The following PTPRD variants were observed in gnomAD, a reference collection of about 807,000 sequenced individuals.
PTPRD encodes receptor-type tyrosine-protein phosphatase delta.
In PTPRD, 34 loss-of-function variants were observed where a neutral mutation model predicts 214.5. The ratio of observed to expected loss-of-function variants is 0.16; its 90% CI spans 0.12 to 0.21. The LOEUF (loss-of-function observed/expected upper bound fraction) is 0.21, where lower values mean the gene tolerates loss of function less well. Ranked by LOEUF, PTPRD falls within the 10% of genes least tolerant of loss-of-function variation. The pLI, the probability that PTPRD is intolerant of heterozygous loss-of-function variation, is 1.00. For synonymous variants in PTPRD, 1,128 were observed against 845.7 expected, an observed-to-expected ratio of 1.33 and a Z score of -5.79; for missense variants, 2,545 against 2,398.7, an observed-to-expected ratio of 1.06 and a Z score of -1.27.
intron 12 of PTPRD, among the ~76,000 whole-genome samples, chr9:8,688,999 T>C (rs1162143857): frequency 6.6e-6 from 1 of 152,110 alleles, no homozygotes; most frequent in Non-Finnish European, 1.5e-5. Context: ...GAGAAACTAA[T>C]ACAGGGGCAA....
intron 35 of PTPRD, among the ~76,000 whole-genome samples, chr9:8,407,496 T>C (rs2093110681): frequency 6.6e-6 from 1 of 152,132 alleles, no homozygotes; most frequent in African/African-American, 2.4e-5. Flanking sequence ...CAACTGATAA[T>C]TAACAGCTGG....
intron 12 of PTPRD, among the ~76,000 whole-genome samples, chr9:8,686,464 C>T (rs1431177969): frequency 6.6e-6 from 1 of 152,190 alleles, no homozygotes; most frequent in Non-Finnish European, 1.5e-5. Flanking sequence ...TTCTAATTCT[C>T]ACCAGAAGTG....
intron 35 of PTPRD, among the ~76,000 whole-genome samples, chr9:8,430,176 C>A (rs1326304983): frequency 6.6e-6 from 1 of 152,124 alleles, no homozygotes; most frequent in Non-Finnish European, 1.5e-5. Flanking sequence ...AAAACTGTAC[C>A]TTGAGGACCA....
chr9:8,835,036 G>A (rs1026822436), intron 11 of PTPRD, among the ~76,000 whole-genome samples: 9 of 152,150 alleles, frequency 5.9e-5, no homozygotes, highest in African/African-American at 2.2e-4. Flanking sequence ...CCACCATCTG[G>A]GTCAGGCAAG....
At chr9:8,871,438 T>C (rs72704339) in intron 11 of PTPRD, among the ~76,000 whole-genome samples, 14,191 of 152,196 alleles carry the variant, frequency 0.093, 906 homozygotes, top group East Asian at 0.33. Flanking sequence ...GTAACATCTT[T>C]AGAAAATGAA....
At chr9:10,405,754 T>C (rs750192234) in intron 2 of PTPRD, among the ~76,000 whole-genome samples, 47 of 151,538 alleles carry the variant, frequency 3.1e-4, no homozygotes, top group Non-Finnish European at 4.9e-4. Context: ...TAGTAAATAT[T>C]AACTAACTTA....
At chr9:9,434,544 A>ACAAATAATCC (rs1257726628) in intron 8 of PTPRD, among the ~76,000 whole-genome samples, 6 of 152,158 alleles carry the variant, frequency 3.9e-5, no homozygotes, top group African/African-American at 1.4e-4. Context: ...ATATGGAGCC[A>ACAAATAATCC]CAAATAATCC....
intron 14 of PTPRD, among the ~76,000 whole-genome samples, chr9:8,550,853 G>A (rs945423530): frequency 2.1e-4 from 32 of 152,290 alleles, no homozygotes; most frequent in African/African-American, 7.2e-4. Context: ...AGGCTCTTTA[G>A]AGAAATAAGA....
At chr9:9,345,080 C>T (rs1338488023) in intron 9 of PTPRD, among the ~76,000 whole-genome samples, 2 of 152,020 alleles carry the variant, frequency 1.3e-5, no homozygotes, top group Non-Finnish European at 2.9e-5. Context: ...ATTTTCCAGA[C>T]AGGAAAGTGG....
intron 5 of PTPRD, among the ~76,000 whole-genome samples, chr9:9,912,364 A>G (rs1172295322): frequency 1.3e-5 from 2 of 152,168 alleles, no homozygotes; most frequent in African/African-American, 2.4e-5. Context: ...CTCATTTATC[A>G]TGAGGTAGCA....
chr9:8,710,239 T>G (rs1456502554), intron 12 of PTPRD, among the ~76,000 whole-genome samples: 1 of 152,198 alleles, frequency 6.6e-6, no homozygotes, highest in African/African-American at 2.4e-5. Context: ...TCTGAAAGAC[T>G]TGGCTCTCTT....
chr9:9,348,018 T>G (rs1322663793), intron 9 of PTPRD, among the ~76,000 whole-genome samples: 3 of 152,152 alleles, frequency 2.0e-5, no homozygotes, highest in Non-Finnish European at 2.9e-5. Flanking sequence ...GACTTCTGTT[T>G]TAGTATGCAT....
chr9:10,160,865 G>A (rs1400415678), intron 3 of PTPRD, among the ~76,000 whole-genome samples: 1 of 151,848 alleles, frequency 6.6e-6, no homozygotes, highest in African/African-American at 2.4e-5. Context: ...GATAAATTCA[G>A]TACAGTTGGA....
intron 4 of PTPRD, among the ~76,000 whole-genome samples, chr9:9,956,286 A>G (rs896221917): frequency 1.3e-5 from 2 of 151,926 alleles, no homozygotes; most frequent in African/African-American, 4.8e-5. Flanking sequence ...AACTTAAAAA[A>G]AAAAAAAAAA....
chr9:9,778,256 G>A (rs536580640), intron 5 of PTPRD, among the ~76,000 whole-genome samples: 19 of 152,252 alleles, frequency 1.2e-4, no homozygotes, highest in Admixed American at 7.8e-4. Context: ...ATGGCTCCTG[G>A]GAGAGGGGTG....
intron 3 of PTPRD, among the ~76,000 whole-genome samples, chr9:10,156,184 A>G (rs1039032136): frequency 6.8e-6 from 1 of 147,192 alleles, no homozygotes; most frequent in Non-Finnish European, 1.5e-5. Flanking sequence ...CAGCTTTGGC[A>G]TTGGTTTACT....
At chr9:9,456,507 A>T (rs1191741483) in intron 8 of PTPRD, among the ~76,000 whole-genome samples, 4 of 151,810 alleles carry the variant, frequency 2.6e-5, no homozygotes, top group Non-Finnish European at 4.4e-5. Context: ...TTTCATTTAA[A>T]AACCCAAACC....
At chr9:10,523,460 G>T (rs1179269527) in intron 2 of PTPRD, among the ~76,000 whole-genome samples, 1 of 151,438 alleles carries the variant, frequency 6.6e-6, no homozygotes. Context: ...CCTCAGCCAT[G>T]CCCTGCAATC....
At chr9:8,865,186 G>C (rs2098174615) in intron 11 of PTPRD, among the ~76,000 whole-genome samples, 1 of 152,118 alleles carries the variant, frequency 6.6e-6, no homozygotes, top group Non-Finnish European at 1.5e-5. Flanking sequence ...TCCAGGGACA[G>C]TCCAAATTTT....
Sources: gnomAD v4.1 joint callset for allele counts (sites outside exome capture counted in the v4.1 genomes callset) on GRCh38, gnomAD v4.1.1 for gene constraint, MANE v1.5 for transcripts, NCBI Gene and HGNC (gene_info 2026-07-23, HGNC 2026-07-21) for gene names.